The following CREM variants were observed in gnomAD, a reference collection of about 807,000 sequenced individuals.
The protein encoded by CREM is cAMP-responsive element modulator.
A neutral mutation model predicts 37.3 loss-of-function variants in CREM; 13 were observed. The ratio of observed to expected loss-of-function variants is 0.35; its 90% CI spans 0.23 to 0.55. The LOEUF (loss-of-function observed/expected upper bound fraction) is 0.55. Ranked by LOEUF, CREM falls within the 20% of genes least tolerant of loss-of-function variation. The probability of loss-of-function intolerance (pLI) is 0.88; values close to 1 mark genes in which losing one functional copy is unlikely to be tolerated. For synonymous variants in CREM, 124 were observed against 120.2 expected (o/e 1.03, Z -0.21); for missense variants, 296 against 362.3 (o/e 0.82, Z 1.49).
intron 3 of CREM, among the ~76,000 whole-genome samples, chr10:35,162,411 G>A (rs540871585): frequency 2.0e-5 from 3 of 152,220 alleles, no homozygotes; most frequent in Non-Finnish European, 2.9e-5. Context: ...ATAGTTGAAT[G>A]TTAATAATGT....
chr10:35,161,152 T>G (rs1342026897), intron 3 of CREM, among the ~76,000 whole-genome samples: 1 of 152,078 alleles, frequency 6.6e-6, no homozygotes, highest in East Asian at 1.9e-4. Context: ...TTTAATTATT[T>G]ATGAGACAGG....
intron 7 of CREM, among the ~76,000 whole-genome samples, chr10:35,208,747 C>T (rs1386336019): frequency 6.6e-6 from 1 of 152,196 alleles, no homozygotes; most frequent in African/African-American, 2.4e-5. Context: ...GCAAACCTTT[C>T]CTGGAAGATC....
chr10:35,190,861 A>G (rs2094882696), intron 6 of CREM, among the ~76,000 whole-genome samples: 1 of 151,928 alleles, frequency 6.6e-6, no homozygotes, highest in African/African-American at 2.4e-5. Context: ...ACAGGGTTTC[A>G]CCATGTTCGC....
At position 35,196,112 on chromosome 10, in the gene CREM, C is replaced by T. The variant is rs1590365655; in HGVS notation, c.598+7724C>T. 3.1e-6 allele frequency: 5 copies of T among 1,614,052 alleles called. No homozygotes were observed. In the East Asian group the frequency reaches 1.1e-4, roughly 36 times the overall value. Reference sequence around the variant, plus strand: ...GGCCAGCTTAGTGGTAAGATCGAGCCTCCTACTGAGGCCGTCCCTGCATGC... The same window carrying T: ...GGCCAGCTTAGTGGTAAGATCGAGCTTCCTACTGAGGCCGTCCCTGCATGC... On this transcript the variant is annotated intron_variant, in intron 6 of 7. Transcript: ENST00000685392.
At chr10:35,167,769 A>T in intron 3 of CREM, 1 of 1,614,156 alleles carries the variant, frequency 6.2e-7, no homozygotes, top group African/African-American at 1.3e-5. Context: ...CGTCCTATAG[A>T]AGAGGATTAT....
chr10:35,162,625 C>T (rs1253079901), intron 3 of CREM, among the ~76,000 whole-genome samples: 6 of 152,020 alleles, frequency 3.9e-5, no homozygotes. Context: ...TTCTCTCCTG[C>T]TTGTCTCTCT....
chr10:35,211,549 A>G lies in CREM; in HGVS notation c.*151A>G, dbSNP rs2095665277. On this transcript the variant is annotated 3_prime_UTR_variant, in exon 8 of 8. Transcript: ENST00000685392. ...GAAATTGAATTGGGAATGTTGTTCC[A>G]GGATGTGGAATGCAGCCGTGATCAC... 3.3e-6 allele frequency: 5 copies of G among 1,504,902 alleles called. No homozygotes were observed. The highest frequency in any genetic ancestry group is 4.5e-6 in the Non-Finnish European group (5 of 1,113,484). 93.2% of individuals were successfully genotyped at this position (1,504,902 alleles called of 1,614,324 possible).
intron 3 of CREM, chr10:35,154,082 C>T (rs1484690353): frequency 2.5e-6 from 1 of 398,374 alleles, no homozygotes; most frequent in African/African-American, 2.1e-5. Flanking sequence ...TAAGGAGTCC[C>T]TCGGAATAAA....
intron 6 of CREM, among the ~76,000 whole-genome samples, chr10:35,202,873 T>C (rs2095419106): frequency 6.6e-6 from 1 of 152,178 alleles, no homozygotes; most frequent in South Asian, 2.1e-4. Context: ...TAAAGTGGTA[T>C]TTTTTTCTGA....
intron 3 of CREM, among the ~76,000 whole-genome samples, chr10:35,156,130 G>A (rs1322742107): frequency 6.6e-6 from 1 of 151,096 alleles, no homozygotes; most frequent in Admixed American, 6.6e-5. Context: ...TAGTAGAGAT[G>A]GAGTTTCACT....
chr10:35,208,511 T>C (rs1402890855), intron 7 of CREM, among the ~76,000 whole-genome samples: 3 of 152,226 alleles, frequency 2.0e-5, no homozygotes, highest in African/African-American at 7.2e-5. Context: ...CCCAGTAGTC[T>C]TGTCACCTTA....
intron 1 of CREM, among the ~76,000 whole-genome samples, chr10:35,128,421 A>G (rs1344266932): frequency 6.6e-6 from 1 of 152,088 alleles, no homozygotes; most frequent in Non-Finnish European, 1.5e-5. Flanking sequence ...TTGAACAGTG[A>G]GAGGTCCGCT....
At chr10:35,175,259 A>AAC (rs111423053) in intron 3 of CREM, among the ~76,000 whole-genome samples, 12,082 of 152,142 alleles carry the variant, frequency 0.079, 1,429 homozygotes, top group African/African-American at 0.26. Context: ...CATCCTGGCT[A>AAC]ATGGGTGAAA....
intron 2 of CREM, among the ~76,000 whole-genome samples, chr10:35,146,112 A>C (rs2135910481): frequency 6.6e-6 from 1 of 152,374 alleles, no homozygotes; most frequent in South Asian, 2.1e-4. Flanking sequence ...GACTATGCTA[A>C]ATGAATGTTT....
chr10:35,144,001 A>T (rs1421885927), intron 2 of CREM, among the ~76,000 whole-genome samples: 1 of 152,212 alleles, frequency 6.6e-6, no homozygotes, highest in Non-Finnish European at 1.5e-5. Flanking sequence ...GAAGGAGCTT[A>T]TATCTTAGTG....
At chr10:35,193,864 C>T (rs1034032921) in intron 6 of CREM, among the ~76,000 whole-genome samples, 4 of 151,954 alleles carry the variant, frequency 2.6e-5, no homozygotes, top group Non-Finnish European at 5.9e-5. Context: ...CTTTGGGAGG[C>T]TGAGGTGGGT....
intron 1 of CREM, among the ~76,000 whole-genome samples, chr10:35,135,263 A>G (rs1032213513): frequency 2.6e-5 from 4 of 152,360 alleles, no homozygotes; most frequent in South Asian, 2.1e-4. Flanking sequence ...TTACTTGCCT[A>G]TAACAAACTA....
chr10:35,159,519 T>C (rs2093157550), intron 3 of CREM, among the ~76,000 whole-genome samples: 1 of 152,184 alleles, frequency 6.6e-6, no homozygotes, highest in African/African-American at 2.4e-5. Flanking sequence ...GAAAACTAGA[T>C]ATTTACACAG....
At chr10:35,207,785 T>C (rs1330489946) in intron 7 of CREM, among the ~76,000 whole-genome samples, 1 of 151,998 alleles carries the variant, frequency 6.6e-6, no homozygotes, top group East Asian at 1.9e-4. Context: ...AAAAAAAAAT[T>C]ACAGTTTTCA....
Sources: allele counts gnomAD v4.1 joint callset (sites outside exome capture counted in the v4.1 genomes callset), GRCh38; gene constraint gnomAD v4.1.1; transcripts MANE v1.5; gene names NCBI Gene and HGNC (gene_info 2026-07-23, HGNC 2026-07-21).